The following PPP1R10 variants were observed in gnomAD, a reference collection of about 807,000 sequenced individuals.
PPP1R10 encodes the protein serine/threonine-protein phosphatase 1 regulatory subunit 10.
In PPP1R10, 15 loss-of-function variants were observed where a neutral mutation model predicts 99.0. The observed-to-expected ratio is 0.15, with a 90% CI of 0.10 to 0.23. The LOEUF (loss-of-function observed/expected upper bound fraction) is 0.23, where lower values mean the gene tolerates loss of function less well. PPP1R10 is among the 10% of genes least tolerant of loss of function. The probability of loss-of-function intolerance (pLI) is 1.00; values close to 1 mark genes in which losing one functional copy is unlikely to be tolerated. For synonymous variants in PPP1R10, 430 were observed against 449.5 expected (o/e 0.96, Z 0.55); for missense variants, 947 against 1,259.4 (o/e 0.75, Z 3.75).
At chr6:30,605,445 CT>C (rs1357441286) in intron 10 of PPP1R10, among the ~76,000 whole-genome samples, 5 of 152,106 alleles carry the variant, frequency 3.3e-5, no homozygotes, top group African/African-American at 1.2e-4. Flanking sequence ...TAAGTGACCC[CT>C]GAAACGGGAG....
At chr6:30,603,040 C>G in intron 17 of PPP1R10, 81 bp from the exon 18 acceptor site, 1 of 1,381,630 alleles carries the variant, frequency 7.2e-7, no homozygotes, top group Non-Finnish European at 9.9e-7. Context: ...AACCAACTGA[C>G]CCTCTCAAAC....
chr6:30,607,974 T>C, intron 5 of PPP1R10, 83 bp from the exon 6 acceptor site: 3 of 1,195,644 alleles, frequency 2.5e-6, no homozygotes, highest in South Asian at 2.7e-5. Context: ...AAAGTTACAG[T>C]CCTCCCTGCT....
In PPP1R10 at chr6:30,601,675, AAAAC is replaced by A; in HGVS notation, c.2714-21_2714-18del. On this transcript the variant is annotated intron_variant, in intron 19 of 19. Transcript: ENST00000376511. ...TTGACATGTCTGTGGGAACGATGGCAAAACAGTTAGACAGGAAATAGCTGAGGGC... is the reference window on the plus strand; with the variant it reads ...TTGACATGTCTGTGGGAACGATGGCAAGTTAGACAGGAAATAGCTGAGGGC... The A allele has an allele frequency of 6.2e-7, 1 of 1,609,330 alleles. No individual in the cohort carries two copies. Among genetic ancestry groups the A allele is most frequent in the Non-Finnish European group, 8.5e-7 (1 of 1,175,880 alleles).
Position 30,604,270 on chromosome 6 carries a change from G to A in PPP1R10, c.1262-16C>T, listed in dbSNP as rs749105477. Reference sequence around the variant, plus strand: ...TTCACATTTACTGTCGGCAGGGGAAGAAAAGCAAGAGGGAAAGTAAGCACA... The same window carrying A: ...TTCACATTTACTGTCGGCAGGGGAAAAAAAGCAAGAGGGAAAGTAAGCACA... On this transcript the variant is annotated splice_polypyrimidine_tract_variant and intron_variant, in intron 13 of 19. Transcript: ENST00000376511. The surrounding 1 kb of genome is among the most constrained non-coding windows in gnomAD (Gnocchi z 7.3). 8 of 1,613,800 alleles carry A rather than the reference G, an allele frequency of 5.0e-6. No individual in the cohort carries two copies. The African/African-American group carries it at 9.3e-5, about 19-fold the overall frequency.
At chr6:30,614,595 A>C (rs777264142) in intron 2 of PPP1R10, 1 of 152,162 alleles carries the variant, frequency 6.6e-6, no homozygotes, top group African/African-American at 2.4e-5. Flanking sequence ...CAGGAGGCCC[A>C]CTGGTTCCTA....
Position 30,604,138 on chromosome 6 carries a change from G to T in PPP1R10, c.1378C>A (p.Pro460Thr). Residue 460 changes from proline (P) to threonine (T), a missense_variant, in exon 14 of 20, where the codon CCC (proline) becomes ACC (threonine). Pro to Thr is a conservative substitution (Grantham distance 38). Coordinates refer to ENST00000376511, the MANE Select transcript of PPP1R10 (RefSeq NM_002714.4). This position sits in a 1 kb window ranked among gnomAD's most constrained non-coding sequence, Gnocchi z 7.3. ...ACCAGGGGCCGGGGGCACACCCAGG[G>T]CACCTTCTCCTCCATGTTATCATGG... The part of the protein sequence containing the change: ...LSHDNMEEKV[P>T]WVCPRPLVLP... 6.2e-7 allele frequency: 1 copy of T among 1,614,100 alleles called. No homozygotes were observed. Among genetic ancestry groups the T allele is most frequent in the Non-Finnish European group, 8.5e-7 (1 of 1,180,032 alleles).
intron 19 of PPP1R10, 27 bp downstream of exon 19, chr6:30,601,909 C>G (rs1214318737): frequency 1.3e-6 from 2 of 1,485,880 alleles, no homozygotes; most frequent in Non-Finnish European, 1.8e-6. Flanking sequence ...AACCAAAAGG[C>G]ATATGGGGGA....
chr6:30,606,625 T>C lies in PPP1R10; in HGVS notation c.477A>G (p.Lys159=). 3 of 1,614,204 alleles carry C rather than the reference T, an allele frequency of 1.9e-6. No homozygotes were observed. Among genetic ancestry groups the C allele is most frequent in the Non-Finnish European group, 2.5e-6 (3 of 1,180,042 alleles). Residue 159 remains lysine (K), a synonymous_variant, in exon 8 of 20, where the codon AAA becomes AAG. Coordinates refer to ENST00000376511, the MANE Select transcript of PPP1R10 (RefSeq NM_002714.4). This position sits in a 1 kb window ranked among gnomAD's most constrained non-coding sequence, Gnocchi z 6.3. ...STQPAEKDKK[K]RKDEGKSRTT... ...TTCGACTTTTTCCTTCATCTTTACG[T>C]TTCTTCTTATCTTTCTCTGTTGTGA...
At position 30,609,727 on chromosome 6, in the gene PPP1R10, C is replaced by T. The variant is rs147180428; in HGVS notation, c.107+111G>A. 920 of 932,988 alleles carry T rather than the reference C, an allele frequency of 9.9e-4. 6 individuals are homozygous for T. The African/African-American group carries it at 0.014, about 14-fold the overall frequency. 57.8% of individuals were successfully genotyped at this position (932,988 alleles called of 1,614,324 possible). On this transcript the variant is annotated intron_variant, in intron 3 of 19. Coordinates refer to ENST00000376511, the MANE Select transcript of PPP1R10 (RefSeq NM_002714.4). This position sits in a 1 kb window ranked among gnomAD's most constrained non-coding sequence, Gnocchi z 4.5. ...TTACATTTTAATCCTATTGCACTGA[C>T]TATCTTTCCCTTTCCTTTCCAGGAT...
intron 6 of PPP1R10, 107 bp downstream of exon 6, chr6:30,607,733 T>C (rs1283721433): frequency 1.6e-6 from 2 of 1,234,982 alleles, no homozygotes; most frequent in African/African-American, 3.0e-5. Context: ...CAAGGTGAGG[T>C]AGAAAGAGAA....
rs1158659842 is a variant in PPP1R10, at chr6:30,609,224, C to T, written c.108-61G>A. The T allele has an allele frequency of 3.3e-6, 5 of 1,535,704 alleles. No homozygotes were observed. Among genetic ancestry groups the T allele is most frequent in the African/African-American group, 1.4e-5 (1 of 73,300 alleles). On this transcript the variant is annotated intron_variant, in intron 3 of 19. Transcript: ENST00000376511. This position sits in a 1 kb window ranked among gnomAD's most constrained non-coding sequence, Gnocchi z 4.5. Reference sequence around the variant, plus strand: ...CCAGTATCTCTTCTCTTAGCAAAAGCGCCTCTCTGTGAACTGCCTAGAGAT... The same window carrying T: ...CCAGTATCTCTTCTCTTAGCAAAAGTGCCTCTCTGTGAACTGCCTAGAGAT...
rs749398698 is a variant in PPP1R10 at position 30,606,199 on chromosome 6, C to A, written c.679G>T (p.Ala227Ser). ...TPSLVPVKKN[A>S]STVVVSDKYN... ...TTGTCAGAAACCACCACTGTGCTGG[C>A]ATTCTTCTTCACAGGCACCAAGGAT... is the stretch of plus-strand genomic sequence containing the variant. Residue 227 changes from alanine (A) to serine (S), a missense_variant, in exon 9 of 20, where the codon GCC (alanine) becomes TCC (serine). Coordinates refer to ENST00000376511, the MANE Select transcript of PPP1R10 (RefSeq NM_002714.4). The surrounding 1 kb of genome is among the most constrained non-coding windows in gnomAD (Gnocchi z 6.3). 3.1e-6 allele frequency: 5 copies of A among 1,614,058 alleles called. No individual in the cohort carries two copies. The South Asian group carries it at 5.5e-5, about 18-fold the overall frequency.
At position 30,616,667 on chromosome 6, in the gene PPP1R10, G is replaced by C. The variant is rs1365181731; in HGVS notation, c.-201C>G. On this transcript the variant is annotated 5_prime_UTR_variant, in exon 2 of 20. Transcript: ENST00000376511. The stretch of plus-strand genomic sequence containing the variant: ...TTTCCCCCCCACCCAACTCCATTTA[G>C]GGAGGGGGGTCGCAGAAAAAAGTTC... The C allele has an allele frequency of 6.6e-6, 1 of 152,180 alleles. No homozygotes were observed. The highest frequency in any genetic ancestry group is 1.5e-5 in the Non-Finnish European group (1 of 68,042). 9.4% of individuals were successfully genotyped at this position (152,180 alleles called of 1,614,324 possible). A position where few individuals can be genotyped will look rare whatever the true frequency, so the allele number is the denominator to read the frequency against.
rs1803722728 is a variant in PPP1R10, at chr6:30,604,585, T to A, written c.1102+3A>T. On this transcript the variant is annotated splice_donor_region_variant and intron_variant, in intron 12 of 19. Coordinates refer to ENST00000376511, the MANE Select transcript of PPP1R10 (RefSeq NM_002714.4). This position sits in a 1 kb window ranked among gnomAD's most constrained non-coding sequence, Gnocchi z 7.3. ...CCCCAAACTGAACCAGTTTCTAGAT[T>A]ACCTGTATCCATGAGCTCCGGGACT... The A allele has an allele frequency of 6.2e-7, 1 of 1,612,798 alleles. No individual in the cohort carries two copies. The highest frequency in any genetic ancestry group is 1.3e-5 in the African/African-American group (1 of 74,890).
intron 2 of PPP1R10, among the ~76,000 whole-genome samples, chr6:30,615,878 A>C (rs907694727): frequency 1.3e-5 from 2 of 152,148 alleles, no homozygotes; most frequent in South Asian, 4.1e-4. Context: ...ACCTATTTTA[A>C]CCACACAAAT....
At chr6:30,610,107 C>T (rs1804405878) in intron 2 of PPP1R10, among the ~76,000 whole-genome samples, 152 bp from the exon 3 acceptor site, 1 of 152,152 alleles carries the variant, frequency 6.6e-6, no homozygotes, top group African/African-American at 2.4e-5. Flanking sequence ...GAAAAATCGA[C>T]ACAGACCACT....
chr6:30,609,385 C>T lies in PPP1R10; in HGVS notation c.108-222G>A, dbSNP rs1053324331. Among the ~76,000 whole-genome samples the T allele has an allele frequency of 3.9e-5, 6 of 152,118 alleles. No homozygotes were observed. The highest frequency in any genetic ancestry group is 1.4e-4 in the African/African-American group (6 of 41,404). On this transcript the variant is annotated intron_variant, in intron 3 of 19. Coordinates refer to ENST00000376511, the MANE Select transcript of PPP1R10 (RefSeq NM_002714.4). The surrounding 1 kb of genome is among the most constrained non-coding windows in gnomAD (Gnocchi z 4.5). ...GTCTCTGACCTGGGGAGGAGAGCAT[C>T]GCTGCCTCCGTAACACACAGGATGA...
rs370422004 is a variant in PPP1R10, at chr6:30,603,239, T to C, written c.1814A>G (p.Asp605Gly). The C allele has an allele frequency of 5.1e-5, 83 of 1,613,764 alleles. No homozygotes were observed. The highest frequency in any genetic ancestry group is 6.9e-5 in the Non-Finnish European group (81 of 1,179,782). Residue 605 changes from aspartate (D) to glycine (G), a missense_variant, in exon 17 of 20, where the codon GAC becomes GGC. Coordinates refer to ENST00000376511, the MANE Select transcript of PPP1R10 (RefSeq NM_002714.4). ...HPSEELLKQP[D>G]YSDKIKQMLV... The stretch of plus-strand genomic sequence containing the variant: ...CATCTGCTTGATCTTGTCCGAATAG[T>C]CTGGTTGTTTCAGTAGTTCCTCTGA...
intron 2 of PPP1R10, among the ~76,000 whole-genome samples, chr6:30,612,142 T>G (rs1271923098): frequency 6.6e-6 from 1 of 152,212 alleles, no homozygotes; most frequent in Admixed American, 6.5e-5. Flanking sequence ...ATACCTACCA[T>G]TAGATTCCTA....
Sources: gnomAD v4.1 joint callset for allele counts (sites outside exome capture counted in the v4.1 genomes callset) on GRCh38, gnomAD v4.1.1 for gene constraint, Gnocchi (gnomAD v3.1) non-coding constraint, MANE v1.5 for transcripts, NCBI Gene and HGNC (gene_info 2026-07-23, HGNC 2026-07-21) for gene names.